The following METTL16 variants were observed in gnomAD, a reference collection of about 807,000 sequenced individuals.
METTL16 encodes RNA N(6)-adenosine-methyltransferase METTL16.
METTL16 carries 19 observed loss-of-function variants against 57.9 expected under a neutral mutation model. The observed-to-expected ratio is 0.33, with a 90% CI of 0.23 to 0.48. METTL16 has a LOEUF of 0.48. Ranked by LOEUF, METTL16 falls within the 20% of genes least tolerant of loss-of-function variation. METTL16 has a pLI of 0.99. For synonymous variants in METTL16, 246 were observed against 255.6 expected, an observed-to-expected ratio of 0.96 and a Z score of 0.36; for missense variants, 434 against 691.5, an observed-to-expected ratio of 0.63 and a Z score of 4.18.
At chr17:2,501,301 A>G (rs1006209811) in intron 2 of METTL16, among the ~76,000 whole-genome samples, 11 of 152,194 alleles carry the variant, frequency 7.2e-5, no homozygotes, top group African/African-American at 2.6e-4. Context: ...ATGGTAGGGC[A>G]CACTTGGCTA....
rs2151681672 is a variant in METTL16 at position 2,419,693 on chromosome 17, T to C, written c.*277A>G. ...GGCAGTCCAGAGCTGAGGGGCCAGC[T>C]TGAGCCAGCTTGCAATCCCTCGGGA... On this transcript the variant is annotated 3_prime_UTR_variant, in exon 10 of 10. Coordinates refer to ENST00000263092, the MANE Select transcript of METTL16 (RefSeq NM_024086.4). 1 of 612,888 alleles carries C rather than the reference T, an allele frequency of 1.6e-6. No individual in the cohort carries two copies. The highest frequency in any genetic ancestry group is 1.5e-5 in the South Asian group (1 of 65,982). The allele number at this position is 612,888 out of a possible 1,614,324, so 38.0% of individuals were successfully genotyped here.
At chr17:2,443,644 G>A (rs1012401661) in intron 6 of METTL16, among the ~76,000 whole-genome samples, 2 of 151,592 alleles carry the variant, frequency 1.3e-5, no homozygotes, top group African/African-American at 4.8e-5. Flanking sequence ...CCACCACGAC[G>A]CCCGGCTATT....
intron 8 of METTL16, among the ~76,000 whole-genome samples, chr17:2,432,731 C>G (rs2066882434): frequency 6.6e-6 from 1 of 151,888 alleles, no homozygotes; most frequent in Admixed American, 6.6e-5. Flanking sequence ...AGCTGTAGCT[C>G]AACATGACTG....
chr17:2,423,040 C>A (rs1218220810), intron 8 of METTL16, among the ~76,000 whole-genome samples: 1 of 152,058 alleles, frequency 6.6e-6, no homozygotes, highest in Admixed American at 6.6e-5. Context: ...GTTTGAAGAT[C>A]TTTTTCTGCT....
At chr17:2,424,131 T>C (rs1045233779) in intron 8 of METTL16, 1 of 143,688 alleles carries the variant, frequency 7.0e-6, no homozygotes, top group Non-Finnish European at 1.5e-5. Context: ...TTTTTTTTTT[T>C]GAGACGGAGT....
intron 7 of METTL16, among the ~76,000 whole-genome samples, chr17:2,441,098 A>G (rs1597444835): frequency 6.6e-6 from 1 of 152,202 alleles, no homozygotes; most frequent in East Asian, 1.9e-4. Context: ...TGCAGTATAC[A>G]TACACAATGG....
At chr17:2,504,935 C>A (rs1333079001) in intron 1 of METTL16, among the ~76,000 whole-genome samples, 1 of 152,068 alleles carries the variant, frequency 6.6e-6, no homozygotes, top group Non-Finnish European at 1.5e-5. Flanking sequence ...CATAACATCA[C>A]CAAACTTTGA....
At chr17:2,492,751 G>A (rs1374530066) in intron 2 of METTL16, among the ~76,000 whole-genome samples, 2 of 151,744 alleles carry the variant, frequency 1.3e-5, no homozygotes, top group South Asian at 4.2e-4. Flanking sequence ...AAAAAAATTA[G>A]CCAGGTGTGG....
At chr17:2,477,044 C>CTGA (rs2067273401) in intron 3 of METTL16, among the ~76,000 whole-genome samples, 1 of 151,666 alleles carries the variant, frequency 6.6e-6, no homozygotes, top group Non-Finnish European at 1.5e-5. Flanking sequence ...AAGTGGTAAT[C>CTGA]TGAAAAGCTA....
intron 2 of METTL16, among the ~76,000 whole-genome samples, chr17:2,483,828 T>C (rs1228259392): frequency 6.6e-6 from 1 of 152,164 alleles, no homozygotes; most frequent in Non-Finnish European, 1.5e-5. Context: ...GTGAGAAAAA[T>C]GGGCCAATTC....
intron 2 of METTL16, among the ~76,000 whole-genome samples, chr17:2,491,507 G>A (rs1395076957): frequency 1.3e-5 from 2 of 152,134 alleles, no homozygotes; most frequent in South Asian, 4.1e-4. Context: ...GTCTTTAGAT[G>A]GTCACTGAGG....
chr17:2,478,932 A>G (rs2067285171), intron 2 of METTL16, among the ~76,000 whole-genome samples: 1 of 152,178 alleles, frequency 6.6e-6, no homozygotes, highest in African/African-American at 2.4e-5. Context: ...CATCACGAAC[A>G]ATGCTGCTAT....
At chr17:2,424,270 C>CGT (rs2066797093) in intron 8 of METTL16, 1 of 150,842 alleles carries the variant, frequency 6.6e-6, no homozygotes, top group African/African-American at 2.4e-5. Context: ...CCCGCCACTA[C>CGT]GCCCGGCTAA....
intron 2 of METTL16, among the ~76,000 whole-genome samples, chr17:2,490,138 T>C (rs564233378): frequency 6.6e-6 from 1 of 152,316 alleles, no homozygotes; most frequent in Non-Finnish European, 1.5e-5. Flanking sequence ...GGAAGGTAAG[T>C]AGGGACTCGA....
chr17:2,480,268 C>T (rs923688927), intron 2 of METTL16, among the ~76,000 whole-genome samples: 2 of 151,896 alleles, frequency 1.3e-5, no homozygotes, highest in African/African-American at 4.8e-5. Context: ...TGATGGGCAG[C>T]ATCAGATTTC....
chr17:2,420,256 C>T lies in METTL16; in HGVS notation c.1403G>A (p.Ser468Asn), dbSNP rs774210882. 2.5e-6 allele frequency: 4 copies of T among 1,614,168 alleles called. No homozygotes were observed. The highest frequency in any genetic ancestry group is 1.7e-5 in the Admixed American group (1 of 60,028). ...AACCTCCACCCCTCCCTTTTCCTCACTCCTTTCATCCTCCGTGGGTTCCGG... is the reference window on the plus strand; with the variant it reads ...AACCTCCACCCCTCCCTTTTCCTCATTCCTTTCATCCTCCGTGGGTTCCGG... Reference protein sequence around the residue: ...ENPEPTEDERSEEKGGVEVLE... With the variant: ...ENPEPTEDERNEEKGGVEVLE... Residue 468 changes from serine (S) to asparagine (N), a missense_variant, in exon 10 of 10, where the codon AGT becomes AAT. Around this residue, in one of 5 missense-constraint regions of METTL16, gnomAD observed 168 missense variants for 149.6 expected, o/e 1.12. Transcript: ENST00000263092. This position sits in a 1 kb window ranked among gnomAD's most constrained non-coding sequence, Gnocchi z 5.4.
intron 6 of METTL16, among the ~76,000 whole-genome samples, chr17:2,448,757 T>A (rs797015775): frequency 4.0e-3 from 126 of 31,712 alleles, no homozygotes; most frequent in Middle Eastern, 0.017. Context: ...AAAAATAAAA[T>A]AAAAAAAATA....
At chr17:2,449,525 C>CAAAAAAA (rs2067052885) in intron 6 of METTL16, among the ~76,000 whole-genome samples, 5 of 151,250 alleles carry the variant, frequency 3.3e-5, no homozygotes, top group African/African-American at 1.2e-4. Context: ...ATTTTGAAAA[C>CAAAAAAA]AAAAAACAAA....
Position 2,420,313 on chromosome 17 carries a change from G to C in METTL16, c.1346C>G (p.Pro449Arg), listed in dbSNP as rs756601817. 9.3e-6 allele frequency: 15 copies of C among 1,612,148 alleles called. No individual in the cohort carries two copies. The South Asian group carries it at 1.2e-4, about 13-fold the overall frequency. The part of the protein sequence containing the change: ...GEAAAVEGPC[P>R]SQESLSQEEN... ...CTCCTGGGACAGGGACTCCTGGCTCGGGCACGGGCCCTCCACAGCGGCAGC... is the reference window on the plus strand; with the variant it reads ...CTCCTGGGACAGGGACTCCTGGCTCCGGCACGGGCCCTCCACAGCGGCAGC... Residue 449 changes from proline (P) to arginine (R), a missense_variant, in exon 10 of 10, where the codon CCG becomes CGG. Transcript: ENST00000263092. The surrounding 1 kb of genome is among the most constrained non-coding windows in gnomAD (Gnocchi z 5.4).
Sources: allele counts gnomAD v4.1 joint callset (sites outside exome capture counted in the v4.1 genomes callset), GRCh38; gene constraint gnomAD v4.1.1; regional missense constraint gnomAD v4.1.1; non-coding constraint Gnocchi (gnomAD v3.1); transcripts MANE v1.5; gene names NCBI Gene and HGNC (gene_info 2026-07-23, HGNC 2026-07-21).